Variants in KCNU1 observed in about 807,000 individuals in gnomAD.
The protein encoded by KCNU1 is potassium calcium-activated channel subfamily U member 1.
A neutral mutation model predicts 126.8 loss-of-function variants in KCNU1; 93 were observed. The ratio of observed to expected loss-of-function variants is 0.73; its 90% CI spans 0.62 to 0.87. KCNU1 has a LOEUF of 0.87. Among genes scored for constraint, KCNU1 ranks in the 40% least tolerant of loss-of-function variants. The pLI, the probability that KCNU1 is intolerant of heterozygous loss-of-function variation, is 0.00. For synonymous variants in KCNU1, 523 were observed against 494.2 expected (o/e 1.06, Z -0.77); for missense variants, 1,330 against 1,367.1 (o/e 0.97, Z 0.43).
At chr8:36,920,404 G>C (rs533518449) in intron 23 of KCNU1, among the ~76,000 whole-genome samples, 3 of 152,310 alleles carry the variant, frequency 2.0e-5, no homozygotes, top group Non-Finnish European at 4.4e-5. Context: ...GTGTAAGTTA[G>C]AGTGGTTGCG....
intron 10 of KCNU1, among the ~76,000 whole-genome samples, chr8:36,829,603 G>A (rs1450696304): frequency 6.7e-6 from 1 of 150,012 alleles, no homozygotes; most frequent in Non-Finnish European, 1.5e-5. Context: ...GCTTTACTTG[G>A]CCCTTTATAT....
chr8:36,903,372 G>T (rs1474431710), intron 19 of KCNU1, among the ~76,000 whole-genome samples: 2 of 152,134 alleles, frequency 1.3e-5, no homozygotes, highest in East Asian at 1.9e-4. Flanking sequence ...AAGGGGAATA[G>T]ATTGTATTTC....
intron 22 of KCNU1, among the ~76,000 whole-genome samples, chr8:36,915,002 A>C (rs1808042657): frequency 6.6e-6 from 1 of 152,182 alleles, no homozygotes; most frequent in African/African-American, 2.4e-5. Flanking sequence ...CTCGAAAAGG[A>C]GATGGAGTTA....
chr8:36,873,663 A>G (rs1240428828), intron 19 of KCNU1, among the ~76,000 whole-genome samples: 1 of 152,094 alleles, frequency 6.6e-6, no homozygotes, highest in Non-Finnish European at 1.5e-5. Context: ...CTGGCTGAGG[A>G]CTGCAAGCAC....
chr8:36,840,407 C>G (rs1804904035), intron 14 of KCNU1, 56 bp from the exon 15 acceptor site: 1 of 821,360 alleles, frequency 1.2e-6, no homozygotes, highest in African/African-American at 1.7e-5. Flanking sequence ...AATGTGAATT[C>G]TAACATTCTA....
rs749098047 is a variant in KCNU1, at chr8:36,845,600, C to T, written c.1724C>T (p.Pro575Leu). ...DGFCGLILNP[P>L]PQVRIRKNTL... ...TCCAGTGGTCTGATACTAAATCCAC[C>T]TCCACAAGTGAGGATACGTAAGAAC... is the stretch of plus-strand genomic sequence containing the variant. Residue 575 changes from proline (P) to leucine (L), a missense_variant, in exon 17 of 27, where the codon CCT (proline) becomes CTT (leucine). By Grantham distance (98) the Pro-to-Leu change is moderately conservative. Around this residue, in one of 3 missense-constraint regions of KCNU1, gnomAD observed 1,054 missense variants for 1,053.9 expected, o/e 1.00. Transcript: ENST00000399881. 18 of 1,607,390 alleles carry T rather than the reference C, an allele frequency of 1.1e-5. No homozygotes were observed. The highest frequency in any genetic ancestry group is 1.5e-5 in the Non-Finnish European group (18 of 1,174,244).
At chr8:36,846,419 T>G (rs551289551) in intron 18 of KCNU1, among the ~76,000 whole-genome samples, 15 of 152,186 alleles carry the variant, frequency 9.9e-5, no homozygotes, top group African/African-American at 3.1e-4. Flanking sequence ...CTAACTGAAC[T>G]CAGCAGTTTA....
At chr8:36,821,237 T>C (rs921990965) in intron 10 of KCNU1, among the ~76,000 whole-genome samples, 18 of 152,150 alleles carry the variant, frequency 1.2e-4, no homozygotes, top group African/African-American at 4.3e-4. Flanking sequence ...GGACAGTAGA[T>C]TAACTCGTGA....
intron 10 of KCNU1, among the ~76,000 whole-genome samples, chr8:36,818,613 T>C (rs1292607489): frequency 2.0e-5 from 3 of 152,234 alleles, no homozygotes; most frequent in Non-Finnish European, 4.4e-5. Context: ...AATTAACTTC[T>C]TTACTTTTCT....
chr8:36,808,378 C>G (rs957274671), intron 6 of KCNU1, among the ~76,000 whole-genome samples: 2 of 152,102 alleles, frequency 1.3e-5, no homozygotes, highest in Non-Finnish European at 2.9e-5. Flanking sequence ...ATATAACAAT[C>G]TCTATGATCC....
intron 8 of KCNU1, among the ~76,000 whole-genome samples, chr8:36,815,173 A>G (rs1364564242): frequency 6.6e-6 from 1 of 152,102 alleles, no homozygotes; most frequent in Non-Finnish European, 1.5e-5. Flanking sequence ...TCTACTAAAA[A>G]TATAAAAATC....
chr8:36,910,856 G>A, intron 21 of KCNU1, 74 bp from the exon 22 acceptor site: 1 of 1,066,108 alleles, frequency 9.4e-7, no homozygotes, highest in Non-Finnish European at 1.3e-6. Flanking sequence ...CACTCACAAA[G>A]AGCCACCACC....
At chr8:36,864,072 C>A (rs1163190008) in intron 18 of KCNU1, among the ~76,000 whole-genome samples, 2 of 152,128 alleles carry the variant, frequency 1.3e-5, no homozygotes, top group East Asian at 3.9e-4. Flanking sequence ...TAGAGTGATG[C>A]TTTCTTAGCG....
intron 16 of KCNU1, among the ~76,000 whole-genome samples, chr8:36,843,235 A>G (rs1411523587): frequency 1.3e-5 from 2 of 152,238 alleles, no homozygotes; most frequent in Non-Finnish European, 2.9e-5. Context: ...CGTAGATTTA[A>G]GAGGCCCTGT....
At chr8:36,805,008 C>A (rs1803445489) in intron 3 of KCNU1, among the ~76,000 whole-genome samples, 187 bp from the exon 4 acceptor site, 2 of 152,100 alleles carry the variant, frequency 1.3e-5, no homozygotes, top group Non-Finnish European at 2.9e-5. Context: ...TATTGGCAGT[C>A]CACTGGTTTT....
intron 10 of KCNU1, among the ~76,000 whole-genome samples, chr8:36,833,214 A>C (rs1173921499): frequency 1.3e-5 from 2 of 152,144 alleles, no homozygotes; most frequent in Non-Finnish European, 2.9e-5. Flanking sequence ...TCAATAGTTT[A>C]AAAAGATATG....
chr8:36,804,837 G>A (rs370482410), intron 3 of KCNU1, among the ~76,000 whole-genome samples: 96 of 152,208 alleles, frequency 6.3e-4, no homozygotes, highest in African/African-American at 2.3e-3. Flanking sequence ...CTCTGTATCA[G>A]AAGAGAATTA....
chr8:36,808,553 G>A (rs1036373379), intron 6 of KCNU1, among the ~76,000 whole-genome samples, 165 bp from the exon 7 acceptor site: 5 of 152,142 alleles, frequency 3.3e-5, no homozygotes, highest in African/African-American at 4.8e-5. Context: ...CAGATTGGGA[G>A]ATCGGGGCAG....
intron 18 of KCNU1, among the ~76,000 whole-genome samples, chr8:36,851,922 A>C (rs1483291739): frequency 6.6e-6 from 1 of 152,188 alleles, no homozygotes; most frequent in Non-Finnish European, 1.5e-5. Flanking sequence ...CTTAAATAGA[A>C]GTAGTGACAG....
Sources: gnomAD v4.1 joint callset for allele counts (sites outside exome capture counted in the v4.1 genomes callset) on GRCh38, gnomAD v4.1.1 for gene constraint, gnomAD v4.1.1 regional missense constraint, MANE v1.5 for transcripts, NCBI Gene and HGNC (gene_info 2026-07-23, HGNC 2026-07-21) for gene names.